The following MSRA variants were observed in gnomAD, a reference collection of about 807,000 sequenced individuals.
MSRA encodes methionine sulfoxide reductase A, also known as mitochondrial peptide methionine sulfoxide reductase.
MSRA carries 54 observed loss-of-function variants against 31.3 expected under a neutral mutation model. The ratio of observed to expected loss-of-function variants is 1.73; its 90% confidence interval spans 1.39 to 2.17. The LOEUF (loss-of-function observed/expected upper bound fraction) is 2.17, where lower values mean the gene tolerates loss of function less well. Ranked by LOEUF, MSRA falls within the 30% of genes most tolerant of loss-of-function variation. The pLI is 0.00. For missense variants in MSRA, 507 were observed against 300.9 expected, an observed-to-expected ratio of 1.69 and a Z score of -5.07; for synonymous variants, 169 against 116.5, an observed-to-expected ratio of 1.45 and a Z score of -2.90.
intron 3 of MSRA, among the ~76,000 whole-genome samples, chr8:10,274,958 A>T (rs1450227162): frequency 6.6e-6 from 1 of 152,178 alleles, no homozygotes; most frequent in African/African-American, 2.4e-5. Context: ...TATTTCACTC[A>T]ATTAAACTAA....
At chr8:10,239,207 G>A (rs1812200076) in intron 2 of MSRA, among the ~76,000 whole-genome samples, 1 of 152,012 alleles carries the variant, frequency 6.6e-6, no homozygotes, top group African/African-American at 2.4e-5. Context: ...CTGTTGCCAG[G>A]CTGGAGTGCA....
intron 1 of MSRA, among the ~76,000 whole-genome samples, chr8:10,067,099 T>C (rs1431188314): frequency 1.3e-5 from 2 of 152,184 alleles, no homozygotes; most frequent in African/African-American, 2.4e-5. Flanking sequence ...CATGATGATA[T>C]GTACCTACCA....
chr8:10,055,857 G>C (rs1037439250), intron 1 of MSRA, among the ~76,000 whole-genome samples: 10 of 152,126 alleles, frequency 6.6e-5, no homozygotes, highest in Non-Finnish European at 7.4e-5. Flanking sequence ...GAAATCGTGT[G>C]ACTGGCTTAT....
intron 1 of MSRA, among the ~76,000 whole-genome samples, chr8:10,202,965 G>A (rs753948991): frequency 6.6e-6 from 1 of 152,022 alleles, no homozygotes; most frequent in East Asian, 1.9e-4. Context: ...TGGATCGCCT[G>A]TTCTTAGCCA....
At chr8:10,285,265 G>A (rs907172943) in intron 3 of MSRA, among the ~76,000 whole-genome samples, 3 of 152,062 alleles carry the variant, frequency 2.0e-5, no homozygotes, top group East Asian at 1.9e-4. Context: ...GAGTAGTCTT[G>A]CCTGCATTTA....
intron 5 of MSRA, among the ~76,000 whole-genome samples, chr8:10,345,215 T>C (rs1220926639): frequency 6.6e-6 from 1 of 152,202 alleles, no homozygotes; most frequent in Admixed American, 6.5e-5. Flanking sequence ...AATGTGAGGA[T>C]GGGGACTGCC....
intron 1 of MSRA, among the ~76,000 whole-genome samples, chr8:10,108,134 A>C (rs1283094286): frequency 6.6e-6 from 1 of 151,000 alleles, no homozygotes; most frequent in African/African-American, 2.4e-5. Flanking sequence ...AGAAATATAA[A>C]TTTTTTCTCC....
At chr8:10,283,160 A>ACACACTCTCTCTCTCTCT in intron 3 of MSRA, among the ~76,000 whole-genome samples, 13 of 140,318 alleles carry the variant, frequency 9.3e-5, no homozygotes, top group African/African-American at 3.3e-4. Flanking sequence ...ACACACACAC[A>ACACACTCTCTCTCTCTCT]CTCTCACCCT....
chr8:10,077,270 T>C (rs1183784794), intron 1 of MSRA, among the ~76,000 whole-genome samples: 1 of 151,926 alleles, frequency 6.6e-6, no homozygotes, highest in Non-Finnish European at 1.5e-5. Context: ...GGTGGGAAAG[T>C]GTGGAGACCT....
intron 5 of MSRA, among the ~76,000 whole-genome samples, chr8:10,340,515 G>C (rs191303139): frequency 6.6e-6 from 1 of 152,300 alleles, no homozygotes; most frequent in African/African-American, 2.4e-5. Flanking sequence ...TGGGATTTTA[G>C]GCATGTGCCA....
chr8:10,378,553 A>T (rs868689955), intron 5 of MSRA, among the ~76,000 whole-genome samples: 1 of 152,218 alleles, frequency 6.6e-6, no homozygotes, highest in African/African-American at 2.4e-5. Flanking sequence ...CACTGTGGCC[A>T]TCAGAACCCA....
intron 5 of MSRA, among the ~76,000 whole-genome samples, chr8:10,417,327 C>T (rs1026785901): frequency 4.6e-5 from 7 of 152,026 alleles, no homozygotes; most frequent in African/African-American, 1.7e-4. Flanking sequence ...TGATGACTCA[C>T]AGGGGCAATT....
intron 2 of MSRA, among the ~76,000 whole-genome samples, chr8:10,214,987 C>T (rs906272276): frequency 6.6e-6 from 1 of 152,122 alleles, no homozygotes. Flanking sequence ...GCCACGTTGA[C>T]CTGGGCTGGT....
At chr8:10,068,234 ATG>A (rs1797560175) in intron 1 of MSRA, among the ~76,000 whole-genome samples, 1 of 152,078 alleles carries the variant, frequency 6.6e-6, no homozygotes. Context: ...CCTTTATCAG[ATG>A]TGTCTTTTCC....
chr8:10,092,920 T>C (rs1798929831), intron 1 of MSRA, among the ~76,000 whole-genome samples: 2 of 152,218 alleles, frequency 1.3e-5, no homozygotes, highest in East Asian at 3.8e-4. Flanking sequence ...ATTAACCCTG[T>C]TAGCATTATA....
intron 1 of MSRA, among the ~76,000 whole-genome samples, chr8:10,127,485 T>G (rs1801585195): frequency 6.6e-6 from 1 of 152,206 alleles, no homozygotes; most frequent in African/African-American, 2.4e-5. Flanking sequence ...AACCTACTTA[T>G]TATTGAATTC....
chr8:10,159,317 G>C (rs528197964), intron 1 of MSRA, among the ~76,000 whole-genome samples: 3 of 152,162 alleles, frequency 2.0e-5, no homozygotes, highest in Non-Finnish European at 4.4e-5. Flanking sequence ...TGCAGATCTG[G>C]AGGGGTTGAG....
At chr8:10,232,551 A>C (rs2129073967) in intron 2 of MSRA, among the ~76,000 whole-genome samples, 1 of 152,328 alleles carries the variant, frequency 6.6e-6, no homozygotes, top group African/African-American at 2.4e-5. Flanking sequence ...TTGAACAATC[A>C]CAATCACAGA....
intron 5 of MSRA, among the ~76,000 whole-genome samples, chr8:10,371,489 C>T (rs1805473448): frequency 6.6e-6 from 1 of 152,218 alleles, no homozygotes; most frequent in East Asian, 1.9e-4. Flanking sequence ...GTTTACTTCT[C>T]GTTCTCAGGT....
Sources: gnomAD v4.1 joint callset for allele counts (sites outside exome capture counted in the v4.1 genomes callset) on GRCh38, gnomAD v4.1.1 for gene constraint, MANE v1.5 for transcripts, NCBI Gene and HGNC (gene_info 2026-07-23, HGNC 2026-07-21) for gene names.